RBM33: variants seen among roughly 807,000 people sequenced by gnomAD.
RBM33 encodes the protein RNA-binding protein 33.
A neutral mutation model predicts 132.6 loss-of-function variants in RBM33; 28 were observed. The observed-to-expected ratio is 0.21, with a 90% CI of 0.16 to 0.29. The LOEUF (loss-of-function observed/expected upper bound fraction) is 0.29. RBM33 is among the 10% of genes least tolerant of loss of function. The probability of loss-of-function intolerance (pLI) is 1.00; values close to 1 mark genes in which losing one functional copy is unlikely to be tolerated. For missense variants in RBM33, 1,291 were observed against 1,518.5 expected (o/e 0.85, Z 2.49); for synonymous variants, 634 against 593.0 (o/e 1.07, Z -1.01).
At chr7:155,715,119 G>A (rs908621422) in intron 8 of RBM33, among the ~76,000 whole-genome samples, 11 of 152,188 alleles carry the variant, frequency 7.2e-5, no homozygotes, top group African/African-American at 2.7e-4. Context: ...GTGGCCCTGA[G>A]CGTCGCTGAT....
intron 5 of RBM33, among the ~76,000 whole-genome samples, chr7:155,685,608 G>A (rs1799455663): frequency 6.6e-6 from 1 of 152,180 alleles, no homozygotes; most frequent in African/African-American, 2.4e-5. Flanking sequence ...GTTCGTGGTC[G>A]ACGAGGCTTT....
chr7:155,674,099 C>T (rs1799108913), intron 3 of RBM33, among the ~76,000 whole-genome samples: 1 of 151,668 alleles, frequency 6.6e-6, no homozygotes, highest in African/African-American at 2.4e-5. Context: ...ACCCTGCTTT[C>T]CCTCCTTTAG....
intron 16 of RBM33, among the ~76,000 whole-genome samples, chr7:155,768,076 C>T (rs962891163): frequency 2.0e-5 from 3 of 152,146 alleles, no homozygotes; most frequent in Non-Finnish European, 4.4e-5. Flanking sequence ...GTCTTTGGGG[C>T]GATCTGCACT....
chr7:155,732,451 T>C (rs1177247148), intron 9 of RBM33, among the ~76,000 whole-genome samples: 18 of 152,198 alleles, frequency 1.2e-4, no homozygotes, highest in Non-Finnish European at 1.3e-4. Flanking sequence ...CTCATTAGCA[T>C]AGTAGTGACT....
In RBM33 at chr7:155,718,412, C is replaced by T. The variant is rs754127345; in HGVS notation, c.1229C>T (p.Pro410Leu). The T allele has an allele frequency of 3.7e-6, 6 of 1,613,678 alleles. No individual in the cohort carries two copies. The highest frequency in any genetic ancestry group is 4.5e-5 in the East Asian group (2 of 44,900). ...CCCTTGCTACCAGTTCCGAGCCAGC[C>T]GAGACCTGCCGTGGGACCCCAGAGA... ...QVPLLPVPSQ[P>L]RPAVGPQRFP... Residue 410 changes from proline to leucine, a missense_variant, in exon 9 of 18, where the codon CCG (proline) becomes CTG (leucine). Physicochemically the swap from Pro to Leu is moderately conservative, Grantham distance 98 (BLOSUM62 -3). Coordinates refer to ENST00000401878, the MANE Select transcript of RBM33 (RefSeq NM_053043.3).
intron 13 of RBM33, among the ~76,000 whole-genome samples, chr7:155,743,557 TTCTC>T (rs946911980): frequency 6.6e-6 from 1 of 152,254 alleles, no homozygotes; most frequent in Admixed American, 6.5e-5. Flanking sequence ...TCTTTTAATT[TTCTC>T]TCTCTATATA....
intron 3 of RBM33, among the ~76,000 whole-genome samples, chr7:155,676,487 A>T (rs1799186707): frequency 6.6e-6 from 1 of 151,990 alleles, no homozygotes; most frequent in Non-Finnish European, 1.5e-5. Flanking sequence ...CCATTTTTAA[A>T]CTCTGGCTAT....
chr7:155,694,330 T>C (rs773967831), intron 5 of RBM33, among the ~76,000 whole-genome samples: 1 of 152,250 alleles, frequency 6.6e-6, no homozygotes, highest in Non-Finnish European at 1.5e-5. Context: ...GTGCTAGTTA[T>C]GCTATTGTCT....
Position 155,737,570 on chromosome 7 carries a change from C to T in RBM33, c.1301C>T (p.Pro434Leu). ...CCACAGCATACACCTGGACCTGTTC[C>T]CAACAGTTTCAGCCAGCCCCCACGA... is the stretch of plus-strand genomic sequence containing the variant. ...EFPQHTPGPV[P>L]NSFSQPPRLP... The change falls in exon 10 of 18, where the codon CCC becomes CTC. Residue 434 changes from proline to leucine, a missense_variant. Physicochemically the swap from Pro to Leu is moderately conservative, Grantham distance 98 (BLOSUM62 -3). Around this residue, in one of 7 missense-constraint regions of RBM33, gnomAD observed 841 missense variants for 912.0 expected, o/e 0.92. Coordinates refer to ENST00000401878, the MANE Select transcript of RBM33 (RefSeq NM_053043.3). 1 of 1,613,238 alleles carries T rather than the reference C, an allele frequency of 6.2e-7. No homozygotes were observed. The highest frequency in any genetic ancestry group is 8.5e-7 in the Non-Finnish European group (1 of 1,179,672).
At chr7:155,741,360 A>T (rs989717961) in intron 12 of RBM33, among the ~76,000 whole-genome samples, 2 of 152,228 alleles carry the variant, frequency 1.3e-5, no homozygotes, top group East Asian at 3.9e-4. Context: ...CCCGGGGGTC[A>T]TGTTTCTTAG....
chr7:155,739,607 C>T lies in RBM33; in HGVS notation c.1738-108C>T, dbSNP rs934608347. On this transcript the variant is annotated intron_variant, in intron 11 of 17. Coordinates refer to ENST00000401878, the MANE Select transcript of RBM33 (RefSeq NM_053043.3). The stretch of plus-strand genomic sequence containing the variant: ...CAAGTCTAAAATGAAGTTTTGGTAT[C>T]GCTGAAAGTTCCTTTCTTGTGTTGA... The T allele has an allele frequency of 1.1e-4, 132 of 1,244,266 alleles. No homozygotes were observed. In the Middle Eastern group the frequency reaches 1.2e-3, roughly 11 times the overall value. 77.1% of individuals were successfully genotyped at this position (1,244,266 alleles called of 1,614,324 possible). A position where few individuals can be genotyped will look rare whatever the true frequency, so the allele number is the denominator to read the frequency against.
At chr7:155,669,726 C>A (rs1339401013) in intron 2 of RBM33, among the ~76,000 whole-genome samples, 1 of 152,174 alleles carries the variant, frequency 6.6e-6, no homozygotes, top group Non-Finnish European at 1.5e-5. Context: ...TGAGTTCATT[C>A]CCATCCAGGG....
At position 155,737,626 on chromosome 7, in the gene RBM33, C is replaced by G; in HGVS notation, c.1357C>G (p.Pro453Ala). ...LPLQDQWRAP[P>A]PPQDRDPFFL... ...TCTCCAGGACCAGTGGAGAGCCCCA[C>G]CCCCGCCTCAGGATCGAGACCCTTT... The change falls in exon 10 of 18, where the codon CCC becomes GCC. Residue 453 changes from proline (P) to alanine (A), a missense_variant. Transcript: ENST00000401878. The G allele has an allele frequency of 1.2e-6, 2 of 1,602,980 alleles. No homozygotes were observed. Among genetic ancestry groups the G allele is most frequent in the Non-Finnish European group, 1.7e-6 (2 of 1,175,790 alleles).
chr7:155,748,481 A>G (rs114224176), intron 14 of RBM33, among the ~76,000 whole-genome samples: 5,022 of 152,314 alleles, frequency 0.033, 260 homozygotes, highest in African/African-American at 0.11. Context: ...TTTTCTTGCC[A>G]TTCTTACTAT....
intron 3 of RBM33, among the ~76,000 whole-genome samples, chr7:155,673,789 C>CACACACAA (rs1554469970): frequency 1.4e-5 from 2 of 146,970 alleles, no homozygotes; most frequent in Non-Finnish European, 3.0e-5. Context: ...CACACACACA[C>CACACACAA]ACACACACAC....
At chr7:155,673,432 GTGTGTGTGTA>G (rs1262321131) in intron 3 of RBM33, among the ~76,000 whole-genome samples, 6 of 148,556 alleles carry the variant, frequency 4.0e-5, no homozygotes, top group Non-Finnish European at 8.9e-5. Flanking sequence ...GTGTGTGTGT[GTGTGTGTGTA>G]TGTGTATATA....
At chr7:155,663,542 C>T (rs1403564229) in intron 1 of RBM33, among the ~76,000 whole-genome samples, 2 of 152,156 alleles carry the variant, frequency 1.3e-5, no homozygotes, top group African/African-American at 2.4e-5. Flanking sequence ...GAGGGCAGCA[C>T]CAAGCCATGC....
At chr7:155,751,303 T>A (rs972768008) in intron 14 of RBM33, among the ~76,000 whole-genome samples, 6 of 152,160 alleles carry the variant, frequency 3.9e-5, no homozygotes, top group Non-Finnish European at 8.8e-5. Context: ...CCTTTGAGAG[T>A]AGGTTGGAGA....
At chr7:155,742,816 G>A (rs1465294517) in intron 13 of RBM33, among the ~76,000 whole-genome samples, 1 of 152,172 alleles carries the variant, frequency 6.6e-6, no homozygotes, top group Non-Finnish European at 1.5e-5. Context: ...TCTCCCACAA[G>A]CCTCAGTCTC....
Sources: gnomAD v4.1 joint callset for allele counts (sites outside exome capture counted in the v4.1 genomes callset) on GRCh38, gnomAD v4.1.1 for gene constraint, gnomAD v4.1.1 regional missense constraint, MANE v1.5 for transcripts, NCBI Gene and HGNC (gene_info 2026-07-23, HGNC 2026-07-21) for gene names.